The following DAB1 variants were observed in gnomAD, a reference collection of about 807,000 sequenced individuals.
The protein encoded by DAB1 is disabled homolog 1.
A neutral mutation model predicts 64.6 loss-of-function variants in DAB1; 15 were observed. The ratio of observed to expected loss-of-function variants is 0.23; its 90% CI spans 0.16 to 0.36. DAB1 has a LOEUF of 0.36. Among genes scored for constraint, DAB1 ranks in the 10% least tolerant of loss-of-function variants. DAB1 has a pLI of 1.00. For synonymous variants in DAB1, 235 were observed against 251.9 expected (o/e 0.93, Z 0.64); for missense variants, 596 against 706.7 (o/e 0.84, Z 1.78).
At chr1:57,404,553 C>T (rs1683483345) in intron 1 of DAB1, among the ~76,000 whole-genome samples, 1 of 152,070 alleles carries the variant, frequency 6.6e-6, no homozygotes, top group African/African-American at 2.4e-5. Flanking sequence ...AAAGCAATTG[C>T]CACTGGGTAG....
chr1:58,331,624 C>T (rs538003299), intron 4 of DAB1, among the ~76,000 whole-genome samples: 56 of 152,324 alleles, frequency 3.7e-4, no homozygotes, highest in Non-Finnish European at 4.4e-4. Flanking sequence ...GATCAGTTAG[C>T]AGTCATCAAC....
rs76905189 is a variant in DAB1 at position 57,551,845 on chromosome 1, C to T, written n.625+97747G>A. On this transcript the variant is annotated intron_variant and non_coding_transcript_variant, in intron 7 of 20. Coordinates refer to the DAB1 transcript ENST00000485760. ...GGAGAGATTGCAAGAAACTTCTTTCCCCAAGACTTGAAACAGGCACTCATA... is the reference window on the plus strand; with the variant it reads ...GGAGAGATTGCAAGAAACTTCTTTCTCCAAGACTTGAAACAGGCACTCATA... Among the ~76,000 whole-genome samples the T allele has an allele frequency of 7.5e-4, 114 of 152,184 alleles. 1 individual carries two copies. In the East Asian group the frequency reaches 0.018, roughly 25 times the overall value.
chr1:57,597,859 C>T (rs1300883297), intron 7 of DAB1, among the ~76,000 whole-genome samples: 1 of 152,214 alleles, frequency 6.6e-6, no homozygotes, highest in Non-Finnish European at 1.5e-5. Flanking sequence ...TCCTGAATGG[C>T]ACATCTTAAA....
intron 3 of DAB1, among the ~76,000 whole-genome samples, chr1:58,346,607 T>C (rs1643999294): frequency 6.6e-6 from 1 of 152,236 alleles, no homozygotes; most frequent in South Asian, 2.1e-4. Flanking sequence ...ATTTTAATCA[T>C]GAAGTATCTA....
At chr1:57,426,893 TG>T (rs1685311357), upstream of DAB1, among the ~76,000 whole-genome samples, 1 of 150,232 alleles carries the variant, frequency 6.7e-6, no homozygotes, top group Non-Finnish European at 1.5e-5. Context: ...AGACAGCGTC[TG>T]GCTCTGTCGC....
At chr1:57,878,730 TA>T (rs1475997379) in intron 1 of DAB1, 1 of 152,162 alleles carries the variant, frequency 6.6e-6, no homozygotes, top group East Asian at 1.9e-4. Context: ...AATAAAATAT[TA>T]TCTATAGTCA....
intron 4 of DAB1, among the ~76,000 whole-genome samples, chr1:57,110,140 C>T (rs1299869199): frequency 2.6e-5 from 4 of 152,172 alleles, no homozygotes; most frequent in Non-Finnish European, 5.9e-5. Flanking sequence ...GCTTATAGAG[C>T]ATCTGTTCTG....
chr1:58,542,444 T>C (rs1646637103), intron 1 of DAB1: 1 of 152,146 alleles, frequency 6.6e-6, no homozygotes, highest in East Asian at 1.9e-4. Flanking sequence ...AGTAAGACTA[T>C]TAGGGGATAA....
At chr1:58,475,267 T>C (rs1645407499) in intron 3 of DAB1, among the ~76,000 whole-genome samples, 1 of 152,154 alleles carries the variant, frequency 6.6e-6, no homozygotes, top group African/African-American at 2.4e-5. Flanking sequence ...GCGATACTCC[T>C]GTCTCAGCCT....
intron 5 of DAB1, among the ~76,000 whole-genome samples, chr1:58,079,713 G>T (rs945184604): frequency 6.6e-6 from 1 of 151,508 alleles, no homozygotes; most frequent in African/African-American, 2.4e-5. Flanking sequence ...TAGAGACAGG[G>T]TTTCACTATC....
At chr1:57,196,443 C>T (rs1664629058) in intron 2 of DAB1, among the ~76,000 whole-genome samples, 1 of 152,164 alleles carries the variant, frequency 6.6e-6, no homozygotes, top group African/African-American at 2.4e-5. Context: ...GTGTGGGAGG[C>T]AGGTGGGCTC....
intron 3 of DAB1, among the ~76,000 whole-genome samples, chr1:58,433,655 A>G (rs1206057901): frequency 1.5e-3 from 126 of 83,406 alleles, no homozygotes; most frequent in African/African-American, 1.5e-3. Flanking sequence ...GTCTGTGTGG[A>G]GGGGGGGAGG....
chr1:57,375,447 C>G (rs966237076), intron 1 of DAB1, among the ~76,000 whole-genome samples: 3 of 152,126 alleles, frequency 2.0e-5, no homozygotes, highest in Non-Finnish European at 4.4e-5. Context: ...TCCACAACAG[C>G]CAAGAGTTAT....
At chr1:57,205,946 T>G (rs1183825000) in intron 2 of DAB1, among the ~76,000 whole-genome samples, 1 of 152,254 alleles carries the variant, frequency 6.6e-6, no homozygotes, top group East Asian at 1.9e-4. Flanking sequence ...CTCTCTCTCT[T>G]TTTAATGCTC....
intron 3 of DAB1, among the ~76,000 whole-genome samples, chr1:58,427,298 A>C (rs1644830830): frequency 6.6e-6 from 1 of 152,170 alleles, no homozygotes; most frequent in African/African-American, 2.4e-5. Flanking sequence ...TAGAACCTTA[A>C]GGCCCTCTAG....
intron 1 of DAB1, among the ~76,000 whole-genome samples, chr1:57,313,076 G>A (rs1339245274): frequency 1.3e-5 from 2 of 152,102 alleles, no homozygotes; most frequent in African/African-American, 2.4e-5. Context: ...GGAGCAGATG[G>A]GGTGCTAAAA....
intron 3 of DAB1, among the ~76,000 whole-genome samples, chr1:57,144,707 G>GAA (rs375007760): frequency 6.9e-6 from 1 of 144,868 alleles, no homozygotes; most frequent in African/African-American, 2.5e-5. Context: ...AAAAAAAAAA[G>GAA]AAAAAAAAAA....
chr1:57,758,860 A>G (rs1458102725), intron 6 of DAB1, among the ~76,000 whole-genome samples: 5 of 152,202 alleles, frequency 3.3e-5, no homozygotes, highest in African/African-American at 1.2e-4. Flanking sequence ...TCTGTTTGCA[A>G]TAAACATTCA....
At chr1:58,102,596 T>A (rs1181674721) in intron 5 of DAB1, among the ~76,000 whole-genome samples, 1 of 152,222 alleles carries the variant, frequency 6.6e-6, no homozygotes, top group African/African-American at 2.4e-5. Flanking sequence ...AAAGTAGAGA[T>A]GTCATCTTGC....
Sources: allele counts gnomAD v4.1 joint callset (sites outside exome capture counted in the v4.1 genomes callset), GRCh38; gene constraint gnomAD v4.1.1; transcripts MANE v1.5; gene names NCBI Gene and HGNC (gene_info 2026-07-23, HGNC 2026-07-21).